The following STK33 variants were observed in gnomAD, a reference collection of about 807,000 sequenced individuals.
STK33 encodes the protein serine/threonine kinase 33.
Under a neutral mutation model 58.0 loss-of-function variants are expected in STK33, and 52 were observed. That is an observed-to-expected ratio of 0.90 (90% CI 0.72 to 1.13). The LOEUF (loss-of-function observed/expected upper bound fraction) is 1.13, where lower values mean the gene tolerates loss of function less well. STK33 is among the 50% of genes most tolerant of loss of function. The probability of loss-of-function intolerance (pLI) is 0.00; values close to 1 mark genes in which losing one functional copy is unlikely to be tolerated. For synonymous variants in STK33, 215 were observed against 200.1 expected (o/e 1.07, Z -0.63); for missense variants, 630 against 604.2 (o/e 1.04, Z -0.45).
At chr11:8,337,924 T>C in the STK33 span, among the ~76,000 whole-genome samples, 19,043 of 152,112 alleles carry the variant, frequency 0.13, 1,538 homozygotes, top group South Asian at 0.24. Context: ...CCACCCCATT[T>C]AAAATTGCAA....
At chr11:8,591,008 T>C (rs1476721666) in intron 1 of STK33, among the ~76,000 whole-genome samples, 1 of 152,242 alleles carries the variant, frequency 6.6e-6, no homozygotes, top group African/African-American at 2.4e-5. Flanking sequence ...TATCATCAGA[T>C]GAATAAAAGT....
At position 8,457,395 on chromosome 11, in the gene STK33, T is replaced by A; in HGVS notation, c.643A>T (p.Thr215Ser). 6.2e-7 allele frequency: 1 copy of A among 1,608,506 alleles called. No individual in the cohort carries two copies. Among genetic ancestry groups the A allele is most frequent in the Non-Finnish European group, 8.5e-7 (1 of 1,176,178 alleles). ...GCGAGACTTTGAATGATCCACCTTG[T>A]CTCATTCTCTGAGAAATGCCCTTTC... is the stretch of plus-strand genomic sequence containing the variant. ...DRKGHFSENETRWIIQSLASA... is the reference protein window; with the variant it reads ...DRKGHFSENESRWIIQSLASA... Residue 215 changes from threonine to serine, a missense_variant, in exon 9 of 16, where the codon ACA becomes TCA. Thr to Ser is a moderately conservative substitution (Grantham distance 58). Transcript: ENST00000687296.
intron 1 of STK33, among the ~76,000 whole-genome samples, chr11:8,564,549 G>A (rs1376389923): frequency 6.6e-6 from 1 of 152,164 alleles, no homozygotes; most frequent in Non-Finnish European, 1.5e-5. Context: ...CCCTTGTATA[G>A]CATGTGAATG....
chr11:8,356,857 C>T, the STK33 span, among the ~76,000 whole-genome samples: 1 of 152,172 alleles, frequency 6.6e-6, no homozygotes. Context: ...GAGAGCACTC[C>T]GCATGACCCC....
At chr11:8,518,402 A>G (rs1388070705) in intron 1 of STK33, among the ~76,000 whole-genome samples, 2 of 152,252 alleles carry the variant, frequency 1.3e-5, no homozygotes, top group Non-Finnish European at 2.9e-5. Flanking sequence ...CAAATTGTAA[A>G]GACCATCAAT....
At chr11:8,500,566 A>G (rs1951438099) in intron 1 of STK33, among the ~76,000 whole-genome samples, 1 of 152,198 alleles carries the variant, frequency 6.6e-6, no homozygotes, top group South Asian at 2.1e-4. Context: ...AAAGAAACAA[A>G]TGGAAATACA....
At chr11:8,358,411 T>G in the STK33 span, among the ~76,000 whole-genome samples, 1 of 152,182 alleles carries the variant, frequency 6.6e-6, no homozygotes, top group South Asian at 2.1e-4. Context: ...GCCTTGTGCC[T>G]GTGTGCTCAA....
intron 1 of STK33, among the ~76,000 whole-genome samples, chr11:8,545,236 C>T (rs77111272): frequency 0.018 from 2,772 of 152,266 alleles, 93 homozygotes; most frequent in African/African-American, 0.062. Context: ...GACATGCTTT[C>T]AAATCTATTT....
intron 1 of STK33, among the ~76,000 whole-genome samples, chr11:8,552,705 T>G (rs894836266): frequency 6.6e-6 from 1 of 152,176 alleles, no homozygotes; most frequent in African/African-American, 2.4e-5. Flanking sequence ...ATTTTGTTCC[T>G]CTGGAAGGTC....
At chr11:8,481,069 T>C (rs539143397) in intron 1 of STK33, among the ~76,000 whole-genome samples, 40 of 152,276 alleles carry the variant, frequency 2.6e-4, no homozygotes, top group African/African-American at 8.9e-4. Flanking sequence ...CCAGCAACTT[T>C]CCAGGAAACT....
chr11:8,409,230 G>A (rs1939792040), intron 15 of STK33, among the ~76,000 whole-genome samples: 2 of 152,138 alleles, frequency 1.3e-5, no homozygotes, highest in South Asian at 4.1e-4. Flanking sequence ...ATTTCAGTTT[G>A]GTTGTGCCAG....
intron 1 of STK33, among the ~76,000 whole-genome samples, chr11:8,583,808 C>T (rs2030915809): frequency 6.6e-6 from 1 of 152,024 alleles, no homozygotes; most frequent in African/African-American, 2.4e-5. Context: ...CTGGAGATTA[C>T]AGCAATCAGA....
chr11:8,535,148 G>C lies in STK33; in HGVS notation c.-465-54534C>G, dbSNP rs192062266. On this transcript the variant is annotated intron_variant, in intron 1 of 15. Transcript: ENST00000687296. ...GTATGAACGTGTCACCACAGTGTCT[G>C]GTACTGTCTTCCGATTTTTTCTAAG... Among the ~76,000 whole-genome samples, 388 of 152,180 alleles carry C rather than the reference G, an allele frequency of 2.5e-3. 5 individuals are homozygous for C. The highest frequency in any genetic ancestry group is 0.015 in the Admixed American group (233 of 15,280).
At chr11:8,435,461 T>C (rs1404972803) in intron 14 of STK33, 33 bp downstream of exon 14, 7 of 1,150,504 alleles carry the variant, frequency 6.1e-6, no homozygotes, top group South Asian at 2.4e-5. Context: ...AATGGTAGCA[T>C]GTCAGAAAGA....
At chr11:8,402,267 C>G (rs1938172145) in intron 15 of STK33, among the ~76,000 whole-genome samples, 1 of 152,158 alleles carries the variant, frequency 6.6e-6, no homozygotes, top group Admixed American at 6.5e-5. Flanking sequence ...ACATATACAC[C>G]ATGGAATACT....
chr11:8,384,924 T>G, the STK33 span, among the ~76,000 whole-genome samples: 1 of 152,156 alleles, frequency 6.6e-6, no homozygotes, highest in Admixed American at 6.5e-5. Context: ...TTCTACAATC[T>G]CTCGTCTCCA....
At chr11:8,418,556 A>T (rs552560644) in intron 14 of STK33, among the ~76,000 whole-genome samples, 1 of 152,100 alleles carries the variant, frequency 6.6e-6, no homozygotes, top group Admixed American at 6.6e-5. Context: ...ATTCATGTGC[A>T]TATGTGTTTA....
At chr11:8,380,042 A>C in the STK33 span, among the ~76,000 whole-genome samples, 2 of 152,234 alleles carry the variant, frequency 1.3e-5, no homozygotes, top group African/African-American at 2.4e-5. Flanking sequence ...ATGGGCATTT[A>C]GGTTGATTCC....
intron 1 of STK33, among the ~76,000 whole-genome samples, chr11:8,559,743 G>C (rs1167154061): frequency 6.6e-6 from 1 of 152,036 alleles, no homozygotes; most frequent in African/African-American, 2.4e-5. Flanking sequence ...AGTCCAGAGG[G>C]TATAAAATGA....
Sources: allele counts gnomAD v4.1 joint callset (sites outside exome capture counted in the v4.1 genomes callset), GRCh38; gene constraint gnomAD v4.1.1; transcripts MANE v1.5; gene names NCBI Gene and HGNC (gene_info 2026-07-23, HGNC 2026-07-21).